INPP4A: variants seen among roughly 807,000 people sequenced by gnomAD.
INPP4A encodes inositol polyphosphate-4-phosphatase, type I, 107kD.
In INPP4A, 33 loss-of-function variants were observed where a neutral mutation model predicts 119.8. The observed-to-expected ratio is 0.28, with a 90% CI of 0.21 to 0.37. The LOEUF is 0.37. INPP4A is among the 10% of genes least tolerant of loss of function. The probability of loss-of-function intolerance (pLI) is 1.00; values close to 1 mark genes in which losing one functional copy is unlikely to be tolerated. For missense variants in INPP4A, 956 were observed against 1,289.9 expected, an observed-to-expected ratio of 0.74 and a Z score of 3.97; for synonymous variants, 496 against 500.7, an observed-to-expected ratio of 0.99 and a Z score of 0.12.
At chr2:98,532,578 A>G (rs1415498843) in intron 4 of INPP4A, among the ~76,000 whole-genome samples, 5 of 152,232 alleles carry the variant, frequency 3.3e-5, no homozygotes, top group Non-Finnish European at 7.3e-5. Context: ...ACAGGATCCC[A>G]GATGGCACAG....
In INPP4A at chr2:98,577,149, T is replaced by C; in HGVS notation, c.2786+6T>C. The C allele has an allele frequency of 6.3e-7, 1 of 1,598,804 alleles. No individual in the cohort carries two copies. On this transcript the variant is annotated splice_donor_region_variant and intron_variant, in intron 24 of 24. Transcript: ENST00000409851. ...GCCCTGGAGTGCATGCGCAGGTGAGTGCCGCAGCCAGGCCGCGCGCCCCGC... is the reference window on the plus strand; with the variant it reads ...GCCCTGGAGTGCATGCGCAGGTGAGCGCCGCAGCCAGGCCGCGCGCCCCGC...
intron 10 of INPP4A, among the ~76,000 whole-genome samples, chr2:98,541,194 G>C (rs1044280111): frequency 1.3e-5 from 2 of 152,110 alleles, no homozygotes; most frequent in African/African-American, 4.8e-5. Context: ...GGGCGCGGTG[G>C]TGGGCGCCTG....
intron 1 of INPP4A, among the ~76,000 whole-genome samples, chr2:98,486,127 A>T (rs1022970825): frequency 6.6e-6 from 1 of 152,068 alleles, no homozygotes. Context: ...GGAAAGTTGG[A>T]TTTCTAGCTT....
intron 10 of INPP4A, 37 bp from the exon 11 acceptor site, chr2:98,543,840 T>A (rs1691983579): frequency 6.2e-7 from 1 of 1,611,306 alleles, no homozygotes; most frequent in Non-Finnish European, 8.5e-7. Context: ...GGAAACCAGT[T>A]AGCCCACAGC....
intron 10 of INPP4A, among the ~76,000 whole-genome samples, chr2:98,541,258 C>T (rs1691385714): frequency 6.6e-6 from 1 of 150,672 alleles, no homozygotes; most frequent in Non-Finnish European, 1.5e-5. Flanking sequence ...ACCCAGGAGG[C>T]GGAGCTTGCA....
At chr2:98,454,793 C>T (rs569527161) in intron 1 of INPP4A, among the ~76,000 whole-genome samples, 1 of 152,080 alleles carries the variant, frequency 6.6e-6, no homozygotes, top group Non-Finnish European at 1.5e-5. Flanking sequence ...AGGGCTTGCA[C>T]TCTGTAAACT....
chr2:98,467,131 C>A (rs867134816), intron 1 of INPP4A, among the ~76,000 whole-genome samples: 1 of 151,914 alleles, frequency 6.6e-6, no homozygotes, highest in African/African-American at 2.4e-5. Flanking sequence ...AGGAAGGGAG[C>A]GGGTGGTGGT....
chr2:98,561,454 G>C (rs796495939), intron 17 of INPP4A, among the ~76,000 whole-genome samples: 16 of 152,290 alleles, frequency 1.1e-4, no homozygotes, highest in African/African-American at 3.6e-4. Context: ...ATTGTTCCAG[G>C]CATGTCTGAG....
At chr2:98,520,644 A>C (rs1467876183) in intron 3 of INPP4A, 43 bp from the exon 4 acceptor site, 1 of 1,280,610 alleles carries the variant, frequency 7.8e-7, no homozygotes. Flanking sequence ...AACAGAGAAA[A>C]GTTTATTAAG....
intron 16 of INPP4A, among the ~76,000 whole-genome samples, chr2:98,559,048 G>T (rs78108890): frequency 0.059 from 9,056 of 152,288 alleles, 523 homozygotes; most frequent in Non-Finnish European, 0.083. Context: ...AACACGCCGT[G>T]TACTGGTCAG....
chr2:98,520,499 GGGTTT>G (rs1169581040), intron 3 of INPP4A, among the ~76,000 whole-genome samples, 183 bp from the exon 4 acceptor site: 1 of 129,424 alleles, frequency 7.7e-6, no homozygotes, highest in Non-Finnish European at 1.7e-5. Context: ...GGAGGAGCAG[GGGTTT>G]GGTTGTGGGG....
intron 1 of INPP4A, among the ~76,000 whole-genome samples, chr2:98,472,785 C>G (rs1213362641): frequency 6.6e-6 from 1 of 152,264 alleles, no homozygotes; most frequent in Non-Finnish European, 1.5e-5. Context: ...CCAGAAAGGG[C>G]AGTGACTTGC....
rs1350934362 is a variant in INPP4A, at chr2:98,589,072, C to G, written c.*1464C>G. The G allele has an allele frequency of 1.7e-5, 3 of 181,020 alleles. No individual in the cohort carries two copies. Among genetic ancestry groups the G allele is most frequent in the African/African-American group, 7.1e-5 (3 of 42,422 alleles). 11.2% of individuals were successfully genotyped at this position (181,020 alleles called of 1,614,324 possible). A position where few individuals can be genotyped will look rare whatever the true frequency, so the allele number is the denominator to read the frequency against. On this transcript the variant is annotated 3_prime_UTR_variant, in exon 25 of 25. Transcript: ENST00000409851. ...AACTGGATGACCTTCCAGACCCCCT[C>G]CTACTCAGAAGTCAGCATGCAAGCA...
intron 4 of INPP4A, among the ~76,000 whole-genome samples, chr2:98,525,742 A>G (rs558408775): frequency 6.6e-6 from 1 of 152,386 alleles, no homozygotes; most frequent in South Asian, 2.1e-4. Flanking sequence ...CAATAAGCAC[A>G]TGTTAAAATG....
chr2:98,533,259 C>T (rs556913318), intron 4 of INPP4A, 118 bp from the exon 5 acceptor site: 9 of 636,954 alleles, frequency 1.4e-5, no homozygotes, highest in African/African-American at 5.4e-5. Flanking sequence ...ACGATGTGAT[C>T]GTCTCATCTC....
chr2:98,574,753 C>T lies in INPP4A; in HGVS notation c.2631+1826C>T, dbSNP rs770075989. Among the ~76,000 whole-genome samples, 9 of 151,994 alleles carry T rather than the reference C, an allele frequency of 5.9e-5. No individual in the cohort carries two copies. The East Asian group carries it at 7.7e-4, about 13-fold the overall frequency. On this transcript the variant is annotated intron_variant, in intron 23 of 24. Coordinates refer to ENST00000409851, the MANE Select transcript of INPP4A (RefSeq NM_001134225.2). ...AATACACACACAGGCAGTTTACAGACGAGTAGTGCAGAGACCTTGTGCATA... is the reference window on the plus strand; with the variant it reads ...AATACACACACAGGCAGTTTACAGATGAGTAGTGCAGAGACCTTGTGCATA...
intron 22 of INPP4A, 106 bp downstream of exon 22, chr2:98,568,774 G>A (rs1696928776): frequency 1.5e-6 from 1 of 686,080 alleles, no homozygotes; most frequent in East Asian, 2.7e-5. Flanking sequence ...GCCTGTGCAT[G>A]TGTGTGCACT....
intron 1 of INPP4A, among the ~76,000 whole-genome samples, chr2:98,499,905 G>C (rs1238228386): frequency 6.6e-6 from 1 of 152,214 alleles, no homozygotes; most frequent in Admixed American, 6.5e-5. Context: ...TAACTGACCA[G>C]CCTGCAGCTG....
intron 22 of INPP4A, 140 bp from the exon 23 acceptor site, chr2:98,572,675 C>T: frequency 1.7e-6 from 1 of 590,400 alleles, no homozygotes; most frequent in Non-Finnish European, 3.0e-6. Context: ...GTCCTATCCC[C>T]AAACACCTCC....
Sources: allele counts gnomAD v4.1 joint callset (sites outside exome capture counted in the v4.1 genomes callset), GRCh38; gene constraint gnomAD v4.1.1; transcripts MANE v1.5; gene names NCBI Gene and HGNC (gene_info 2026-07-23, HGNC 2026-07-21).